OCRL: variants seen among roughly 807,000 people sequenced by gnomAD.
OCRL encodes the protein inositol polyphosphate 5-phosphatase OCRL.
Under a neutral mutation model 78.9 loss-of-function variants are expected in OCRL, and 8 were observed. The ratio of observed to expected loss-of-function variants is 0.10; its 90% CI spans 0.06 to 0.18. The LOEUF is 0.18. Among genes scored for constraint, OCRL ranks in the 10% least tolerant of loss-of-function variants. OCRL has a pLI of 1.00. For synonymous variants in OCRL, 240 were observed against 235.4 expected, an observed-to-expected ratio of 1.02 and a Z score of -0.18; for missense variants, 454 against 696.7, an observed-to-expected ratio of 0.65 and a Z score of 3.92.
chrX:129,584,299 C>T (rs1406064068), intron 18 of OCRL, 45 bp from the exon 19 acceptor site: 1 of 1,153,755 alleles, frequency 8.7e-7, no homozygotes. Context: ...TAATTCTAAT[C>T]ATATTCTGTC....
intron 12 of OCRL, among the ~76,000 whole-genome samples, chrX:129,564,663 T>C (rs1393962487): frequency 2.7e-5 from 3 of 109,575 alleles, no homozygotes; most frequent in Admixed American, 9.8e-5. Flanking sequence ...TAGGTGGGAA[T>C]TGAACAATGA....
At chrX:129,543,331 G>C (rs1231467713) in intron 2 of OCRL, among the ~76,000 whole-genome samples, 1 of 112,791 alleles carries the variant, frequency 8.9e-6, no homozygotes, top group African/African-American at 3.2e-5. Context: ...TTTTGTAATA[G>C]TTTTTAACAG....
At chrX:129,551,475 T>C (rs1213286610) in intron 4 of OCRL, among the ~76,000 whole-genome samples, 2 of 112,038 alleles carry the variant, frequency 1.8e-5, no homozygotes, top group Non-Finnish European at 3.8e-5. Flanking sequence ...TGCTCTGTCA[T>C]CCAGGCTGGA....
intron 22 of OCRL, 130 bp downstream of exon 22, chrX:129,589,143 A>G: frequency 2.8e-6 from 2 of 721,458 alleles, no homozygotes; most frequent in Non-Finnish European, 4.3e-6. Flanking sequence ...ATGGCAGGAC[A>G]CCAACATTGA....
At chrX:129,572,213 A>G (rs1200406650) in intron 15 of OCRL, among the ~76,000 whole-genome samples, 1 of 112,140 alleles carries the variant, frequency 8.9e-6, no homozygotes, top group Non-Finnish European at 1.9e-5. Flanking sequence ...GTGTGTCTCT[A>G]TATCATAAAC....
At chrX:129,577,254 C>T (rs1257839114) in intron 18 of OCRL, among the ~76,000 whole-genome samples, 1 of 111,038 alleles carries the variant, frequency 9.0e-6, no homozygotes, top group Non-Finnish European at 1.9e-5. Context: ...TTGATACTTA[C>T]TTAATGTGAT....
chrX:129,569,840 C>CTTTTTT (rs139960777), intron 15 of OCRL, among the ~76,000 whole-genome samples: 8 of 83,820 alleles, frequency 9.5e-5, no homozygotes, highest in Non-Finnish European at 1.5e-4. Flanking sequence ...CTTATTTTTT[C>CTTTTTT]TTTTTTTTTT....
intron 1 of OCRL, 55 bp downstream of exon 1, chrX:129,540,533 CG>C: frequency 3.0e-6 from 1 of 334,492 alleles, no homozygotes; most frequent in Non-Finnish European, 5.1e-6. Flanking sequence ...GGGTGGGGGT[CG>C]GGGGCCCTGC....
intron 2 of OCRL, among the ~76,000 whole-genome samples, chrX:129,542,951 T>G (rs1014998271): frequency 8.9e-6 from 1 of 111,903 alleles, no homozygotes; most frequent in Non-Finnish European, 1.9e-5. Flanking sequence ...AAATTACAAT[T>G]AAAAATCAGG....
intron 6 of OCRL, 70 bp from the exon 7 acceptor site, chrX:129,558,563 G>A: frequency 1.7e-6 from 2 of 1,143,049 alleles, no homozygotes; most frequent in Non-Finnish European, 2.4e-6. Flanking sequence ...TCAAATCAAA[G>A]CCCTGTTACC....
intron 4 of OCRL, among the ~76,000 whole-genome samples, chrX:129,553,543 A>G (rs946153470): frequency 8.9e-6 from 1 of 112,082 alleles, no homozygotes; most frequent in Admixed American, 9.4e-5. Context: ...GGGTGTGTCT[A>G]GGGATTAGTT....
chrX:129,590,623 C>A lies in OCRL; in HGVS notation c.*353C>A. The stretch of plus-strand genomic sequence containing the variant: ...CCTAGGCCTAGATTCTGAGATCTTC[C>A]CATTCTAGGCCTACAAGCACTACTT... On this transcript the variant is annotated 3_prime_UTR_variant, in exon 24 of 24. Coordinates refer to ENST00000371113, the MANE Select transcript of OCRL (RefSeq NM_000276.4). The A allele has an allele frequency of 4.1e-6, 1 of 242,306 alleles. No individual in the cohort carries two copies. Among genetic ancestry groups the A allele is most frequent in the Middle Eastern group, 1.5e-3 (1 of 686 alleles). The allele number at this position is 242,306 out of a possible 1,213,427, so 20.0% of individuals were successfully genotyped here.
At position 129,553,412 on chromosome X, in the gene OCRL, C is replaced by G. The variant is rs1935993212; in HGVS notation, c.239-3913C>G. Reference sequence around the variant, plus strand: ...GACTGGAGGGGAATATAGAGATGGACTGGAATTGGAGGGAAATCTGAGATC... The same window carrying G: ...GACTGGAGGGGAATATAGAGATGGAGTGGAATTGGAGGGAAATCTGAGATC... On this transcript the variant is annotated intron_variant, in intron 4 of 23. Coordinates refer to ENST00000371113, the MANE Select transcript of OCRL (RefSeq NM_000276.4). The G allele has an allele frequency of 2.7e-5, 3 of 111,745 alleles. No individual in the cohort carries two copies. The Admixed American group carries it at 2.9e-4, about 11-fold the overall frequency. The allele number at this position is 111,745 out of a possible 1,213,427, so 9.2% of individuals were successfully genotyped here.
chrX:129,588,074 C>T (rs1936536800), intron 20 of OCRL, 105 bp from the exon 21 acceptor site: 5 of 592,952 alleles, frequency 8.4e-6, no homozygotes, highest in Non-Finnish European at 1.5e-5. Flanking sequence ...AACACACATA[C>T]CACCCTTCCC....
At position 129,552,232 on chromosome X, in the gene OCRL, T is replaced by C. The variant is rs757340092; in HGVS notation, c.238+3631T>C. 3.1e-4 allele frequency among the ~76,000 whole-genome samples: 34 copies of C among 111,120 alleles called. 1 individual carries two copies. Among genetic ancestry groups the C allele is most frequent in the African/African-American group, 1.0e-3 (31 of 30,545 alleles). On this transcript the variant is annotated intron_variant, in intron 4 of 23. Transcript: ENST00000371113. Reference sequence around the variant, plus strand: ...GAGAAGCAGTCAGACTTGATAGATGTTTTTGGAGGTAAAATCCATAGGAAT... The same window carrying C: ...GAGAAGCAGTCAGACTTGATAGATGCTTTTGGAGGTAAAATCCATAGGAAT...
chrX:129,565,175 T>C (rs1447060417), intron 12 of OCRL, among the ~76,000 whole-genome samples: 1 of 111,955 alleles, frequency 8.9e-6, no homozygotes, highest in Non-Finnish European at 1.9e-5. Context: ...TTGTCTCCCT[T>C]TGTGGGGCTC....
At chrX:129,546,642 C>T (rs914693893) in intron 3 of OCRL, among the ~76,000 whole-genome samples, 1 of 112,059 alleles carries the variant, frequency 8.9e-6, no homozygotes, top group African/African-American at 3.3e-5. Context: ...GTGGCCACCT[C>T]ACTTTTCAAG....
At chrX:129,582,522 T>C (rs991775222) in intron 18 of OCRL, among the ~76,000 whole-genome samples, 1 of 112,418 alleles carries the variant, frequency 8.9e-6, no homozygotes. Flanking sequence ...GTATTAGATA[T>C]TCATGGGAGG....
chrX:129,574,265 T>G (rs1936340005), intron 15 of OCRL, among the ~76,000 whole-genome samples: 2 of 112,558 alleles, frequency 1.8e-5, no homozygotes, highest in South Asian at 7.4e-4. Context: ...TTTGTGAAAT[T>G]TCCTAGTCTA....
Sources: gnomAD v4.1 joint callset for allele counts (sites outside exome capture counted in the v4.1 genomes callset) on GRCh38, gnomAD v4.1.1 for gene constraint, MANE v1.5 for transcripts, NCBI Gene and HGNC (gene_info 2026-07-23, HGNC 2026-07-21) for gene names.